CTNNA3: variants seen among roughly 807,000 people sequenced by gnomAD.
CTNNA3 encodes catenin alpha-3.
A neutral mutation model predicts 95.7 loss-of-function variants in CTNNA3; 76 were observed. The observed-to-expected ratio is 0.79, with a 90% CI of 0.66 to 0.96. The LOEUF is 0.96. Ranked by LOEUF, CTNNA3 falls within the 40% of genes least tolerant of loss-of-function variation. The pLI, the probability that CTNNA3 is intolerant of heterozygous loss-of-function variation, is 0.00. For missense variants in CTNNA3, 1,191 were observed against 1,089.8 expected (o/e 1.09, Z -1.31); for synonymous variants, 431 against 374.4 (o/e 1.15, Z -1.74).
chr10:67,233,896 A>G (rs1030443534), intron 5 of CTNNA3, among the ~76,000 whole-genome samples: 8 of 152,230 alleles, frequency 5.3e-5, no homozygotes, highest in Non-Finnish European at 1.0e-4. Flanking sequence ...CTACGCTAAT[A>G]AACTAGAAAA....
chr10:67,385,216 T>C (rs902182705), intron 5 of CTNNA3, among the ~76,000 whole-genome samples: 2 of 152,266 alleles, frequency 1.3e-5, no homozygotes, highest in African/African-American at 4.8e-5. Flanking sequence ...GCTTATAGTC[T>C]AATGACCTCA....
At chr10:66,484,018 C>G (rs561835528) in intron 11 of CTNNA3, among the ~76,000 whole-genome samples, 1 of 152,028 alleles carries the variant, frequency 6.6e-6, no homozygotes, top group African/African-American at 2.4e-5. Flanking sequence ...TGAGAACTAC[C>G]TCTCCAAGGA....
intron 10 of CTNNA3, among the ~76,000 whole-genome samples, chr10:66,594,698 C>A (rs1843654851): frequency 6.6e-6 from 1 of 152,078 alleles, no homozygotes; most frequent in Admixed American, 6.6e-5. Context: ...CAGTCCTTTT[C>A]TATTTCATAA....
At chr10:66,310,686 CTTTTTT>C (rs370233209) in intron 12 of CTNNA3, among the ~76,000 whole-genome samples, 2 of 132,610 alleles carry the variant, frequency 1.5e-5, no homozygotes, top group Non-Finnish European at 3.2e-5. Flanking sequence ...TTATACATAA[CTTTTTT>C]TTTTTTTTTT....
rs1589382826 is a variant in CTNNA3 at position 66,530,796 on chromosome 10, T to G, written c.1375-10023A>C. 2.0e-5 allele frequency among the ~76,000 whole-genome samples: 3 copies of G among 152,144 alleles called. No individual in the cohort carries two copies. The South Asian group carries it at 6.2e-4, about 32-fold the overall frequency. On this transcript the variant is annotated intron_variant, in intron 10 of 17. Transcript: ENST00000433211. ...CTCACACGGAAACTTCTCACAAGAC[T>G]CTCATTTGCCTTGGATAAACGTATA...
At chr10:67,134,667 A>C (rs1860205972) in intron 7 of CTNNA3, among the ~76,000 whole-genome samples, 2 of 152,134 alleles carry the variant, frequency 1.3e-5, no homozygotes. Flanking sequence ...GCATCCATTC[A>C]GTTTTATCTA....
intron 1 of CTNNA3, among the ~76,000 whole-genome samples, chr10:67,689,060 G>A (rs1485644574): frequency 3.9e-5 from 6 of 152,016 alleles, no homozygotes; most frequent in African/African-American, 9.7e-5. Flanking sequence ...GGCCCTTACC[G>A]ATGCATTCTC....
At chr10:66,292,308 C>T (rs10997037) in intron 12 of CTNNA3, among the ~76,000 whole-genome samples, 34,487 of 151,940 alleles carry the variant, frequency 0.23, 4,089 homozygotes, top group Admixed American at 0.29. Flanking sequence ...GTGAATATGC[C>T]TACCTAGCAC....
At chr10:66,192,965 T>G (rs979005995) in intron 13 of CTNNA3, among the ~76,000 whole-genome samples, 6 of 152,178 alleles carry the variant, frequency 3.9e-5, no homozygotes, top group African/African-American at 1.2e-4. Context: ...TCCCAGTATA[T>G]AGGATAACGT....
intron 13 of CTNNA3, among the ~76,000 whole-genome samples, chr10:66,215,986 T>C (rs2088505142): frequency 6.6e-6 from 1 of 152,250 alleles, no homozygotes; most frequent in Non-Finnish European, 1.5e-5. Context: ...TCCTGTGCTT[T>C]TACTTTCAGT....
intron 1 of CTNNA3, among the ~76,000 whole-genome samples, chr10:67,673,044 G>A (rs924367497): frequency 7.3e-5 from 11 of 151,170 alleles, no homozygotes; most frequent in South Asian, 2.1e-4. Flanking sequence ...ATTGAGCAGT[G>A]GTTTGTAGTT....
At chr10:67,499,940 G>A (rs538137454) in intron 5 of CTNNA3, among the ~76,000 whole-genome samples, 9 of 152,046 alleles carry the variant, frequency 5.9e-5, no homozygotes, top group South Asian at 2.1e-4. Flanking sequence ...CTTCAGTTCC[G>A]CTCTGATCTT....
At position 67,089,754 on chromosome 10, in the gene CTNNA3, G is replaced by GTGTGT. The variant is rs1409692016; in HGVS notation, c.1047+90562_1047+90563insACACA. On this transcript the variant is annotated intron_variant, in intron 7 of 17. Transcript: ENST00000433211. ...GTGTGTGTGTGTGTGTGTGTGTGTG[G>GTGTGT]ACAGAAACACATATACTGTATTTGT... Among the ~76,000 whole-genome samples, 6 of 80,734 alleles carry GTGTGT rather than the reference G, an allele frequency of 7.4e-5. No individual in the cohort carries two copies. In the South Asian group the frequency reaches 1.8e-3, roughly 25 times the overall value. 53.0% of individuals were successfully genotyped at this position (80,734 alleles called of 152,430 possible). A position where few individuals can be genotyped will look rare whatever the true frequency, so the allele number is the denominator to read the frequency against.
intron 7 of CTNNA3, among the ~76,000 whole-genome samples, chr10:66,931,485 TG>T (rs1847388742): frequency 6.6e-6 from 1 of 152,176 alleles, no homozygotes; most frequent in Admixed American, 6.5e-5. Context: ...ATTTTTTACT[TG>T]ATTTGGTGAG....
At chr10:66,167,438 T>C (rs2085193216) in intron 13 of CTNNA3, among the ~76,000 whole-genome samples, 2 of 152,188 alleles carry the variant, frequency 1.3e-5, no homozygotes, top group South Asian at 2.1e-4. Context: ...TGGGGCTTAA[T>C]AGACCACCAA....
At chr10:67,229,928 A>C (rs1456292633) in intron 5 of CTNNA3, among the ~76,000 whole-genome samples, 1 of 152,170 alleles carries the variant, frequency 6.6e-6, no homozygotes, top group African/African-American at 2.4e-5. Flanking sequence ...TGCAATCCCC[A>C]TCAAAATACT....
intron 1 of CTNNA3, among the ~76,000 whole-genome samples, chr10:67,694,317 T>A (rs745644957): frequency 6.6e-6 from 1 of 152,022 alleles, no homozygotes. Context: ...TTGGTATCTA[T>A]GTGCCTGATA....
intron 3 of CTNNA3, among the ~76,000 whole-genome samples, chr10:67,581,217 T>G (rs1842382716): frequency 6.6e-6 from 1 of 152,194 alleles, no homozygotes; most frequent in East Asian, 1.9e-4. Flanking sequence ...GCTATTATTA[T>G]TTTGAGATAT....
chr10:66,380,191 G>A (rs1395375300), intron 11 of CTNNA3, among the ~76,000 whole-genome samples: 1 of 151,744 alleles, frequency 6.6e-6, no homozygotes, highest in Non-Finnish European at 1.5e-5. Flanking sequence ...CTCTCTGTCT[G>A]TGTCTCTCTG....
Sources: gnomAD v4.1 joint callset for allele counts (sites outside exome capture counted in the v4.1 genomes callset) on GRCh38, gnomAD v4.1.1 for gene constraint, MANE v1.5 for transcripts, NCBI Gene and HGNC (gene_info 2026-07-23, HGNC 2026-07-21) for gene names.